The following GTF2A1L variants were observed in gnomAD, a reference collection of about 807,000 sequenced individuals.
GTF2A1L encodes TFIIA-alpha and beta-like factor.
GTF2A1L carries 48 observed loss-of-function variants against 49.7 expected under a neutral mutation model. The observed-to-expected ratio is 0.97, with a 90% CI of 0.77 to 1.23. GTF2A1L has a LOEUF of 1.23. Ranked by LOEUF, GTF2A1L falls within the 50% of genes most tolerant of loss-of-function variation. The pLI is 0.00. For synonymous variants in GTF2A1L, 246 were observed against 193.5 expected, an observed-to-expected ratio of 1.27 and a Z score of -2.25; for missense variants, 736 against 564.8, an observed-to-expected ratio of 1.30 and a Z score of -3.07.
chr2:48,676,075 C>T lies in GTF2A1L; in HGVS notation c.1330-3260C>T, dbSNP rs572549974. On this transcript the variant is annotated intron_variant, in intron 8 of 8. Transcript: ENST00000403751. ...AATAAGTAGTTATATTAGTTTTCAT[C>T]GAATTTCTTTATTCAAATACAAATA... is the stretch of plus-strand genomic sequence containing the variant. Among the ~76,000 whole-genome samples the T allele has an allele frequency of 9.9e-5, 15 of 151,884 alleles. No individual in the cohort carries two copies. The South Asian group carries it at 3.1e-3, about 32-fold the overall frequency.
chr2:48,619,956 T>G (rs1184749826), intron 1 of GTF2A1L, among the ~76,000 whole-genome samples: 1 of 152,188 alleles, frequency 6.6e-6, no homozygotes, highest in African/African-American at 2.4e-5. Context: ...TGGTAGGAAA[T>G]CCGTTTTGGA....
At chr2:48,677,018 A>T (rs1268494205) in intron 8 of GTF2A1L, among the ~76,000 whole-genome samples, 1 of 151,586 alleles carries the variant, frequency 6.6e-6, no homozygotes, top group Non-Finnish European at 1.5e-5. Flanking sequence ...ATCATCTGCT[A>T]CTGCATTTCT....
chr2:48,661,564 A>G (rs1430495194), intron 6 of GTF2A1L, among the ~76,000 whole-genome samples: 2 of 151,998 alleles, frequency 1.3e-5, no homozygotes, highest in African/African-American at 4.8e-5. Context: ...TGTTGCATAT[A>G]TCTGGGGGCT....
chr2:48,676,124 A>G (rs1679455147), intron 8 of GTF2A1L, among the ~76,000 whole-genome samples: 1 of 151,980 alleles, frequency 6.6e-6, no homozygotes. Flanking sequence ...AAATAACACT[A>G]TATTCTGTAC....
chr2:48,657,502 A>G (rs1051098877), intron 6 of GTF2A1L, among the ~76,000 whole-genome samples: 45 of 152,322 alleles, frequency 3.0e-4, no homozygotes, highest in Admixed American at 2.7e-3. Context: ...TCAGTCCACC[A>G]TGTATGGGCA....
chr2:48,627,569 A>G (rs1479037921), intron 3 of GTF2A1L, among the ~76,000 whole-genome samples: 1 of 144,336 alleles, frequency 6.9e-6, no homozygotes, highest in East Asian at 1.9e-4. Flanking sequence ...ATTGGCAAAT[A>G]CATGCTGTTA....
At chr2:48,664,652 A>T (rs1678714284) in intron 6 of GTF2A1L, among the ~76,000 whole-genome samples, 1 of 151,998 alleles carries the variant, frequency 6.6e-6, no homozygotes, top group African/African-American at 2.4e-5. Flanking sequence ...TCCTTGTGGG[A>T]AGGTTTTTAA....
At position 48,617,902 on chromosome 2, in the gene GTF2A1L, A is replaced by C; in HGVS notation, c.21+7A>C. ...GGCCTGCCTCAACCCGGTGGTAAGG[A>C]AGACCTCAGGCTCTGTGTAGAGGGA... On this transcript the variant is annotated splice_region_variant and intron_variant, in intron 1 of 8. Coordinates refer to ENST00000403751, the MANE Select transcript of GTF2A1L (RefSeq NM_006872.5). The C allele has an allele frequency of 6.4e-7, 1 of 1,551,780 alleles. No individual in the cohort carries two copies. Among genetic ancestry groups the C allele is most frequent in the Non-Finnish European group, 8.7e-7 (1 of 1,147,028 alleles).
chr2:48,623,549 A>C (rs997542316), intron 3 of GTF2A1L, among the ~76,000 whole-genome samples: 1 of 152,234 alleles, frequency 6.6e-6, no homozygotes, highest in African/African-American at 2.4e-5. Context: ...TCAACTCATC[A>C]GTTCTATTAC....
Position 48,620,962 on chromosome 2 carries a change from C to T in GTF2A1L, c.123+10C>T, listed in dbSNP as rs767855629. Reference sequence around the variant, plus strand: ...AAAAGACTTGAAGCAGGTTTGTAGCCGATACAACTTTTTCTTCCTGTCTTT... The same window carrying T: ...AAAAGACTTGAAGCAGGTTTGTAGCTGATACAACTTTTTCTTCCTGTCTTT... On this transcript the variant is annotated intron_variant, in intron 2 of 8. Transcript: ENST00000403751. 23 of 1,588,396 alleles carry T rather than the reference C, an allele frequency of 1.4e-5. No individual in the cohort carries two copies. Among genetic ancestry groups the T allele is most frequent in the South Asian group, 7.0e-5 (6 of 85,792 alleles).
chr2:48,658,015 A>C (rs1176587655), intron 6 of GTF2A1L, among the ~76,000 whole-genome samples: 2 of 152,160 alleles, frequency 1.3e-5, no homozygotes, highest in African/African-American at 4.8e-5. Flanking sequence ...CAACTTTGTC[A>C]GATGCACAGT....
At chr2:48,663,798 C>T (rs1050214533) in intron 6 of GTF2A1L, among the ~76,000 whole-genome samples, 4 of 151,992 alleles carry the variant, frequency 2.6e-5, no homozygotes, top group African/African-American at 9.7e-5. Context: ...CACAACCATA[C>T]CTGGCTAATT....
chr2:48,629,867 C>A lies in GTF2A1L; in HGVS notation c.247+8577C>A, dbSNP rs115392936. Among the ~76,000 whole-genome samples the A allele has an allele frequency of 8.2e-3, 1,186 of 144,620 alleles. 86 individuals are homozygous for A. The highest frequency in any genetic ancestry group is 0.028 in the African/African-American group (1,128 of 40,688). The allele number at this position is 144,620 out of a possible 152,430, so 94.9% of individuals were successfully genotyped here. A position where few individuals can be genotyped will look rare whatever the true frequency, so the allele number is the denominator to read the frequency against. ...CAGTTGCCCCATCACCATTTATTGA[C>A]TAGGGAGTCCTTTCCCCGTTGCTTA... is the stretch of plus-strand genomic sequence containing the variant. On this transcript the variant is annotated intron_variant, in intron 3 of 8. Coordinates refer to ENST00000403751, the MANE Select transcript of GTF2A1L (RefSeq NM_006872.5).
At chr2:48,638,234 G>A (rs146093234) in intron 3 of GTF2A1L, among the ~76,000 whole-genome samples, 6 of 152,284 alleles carry the variant, frequency 3.9e-5, no homozygotes, top group African/African-American at 1.4e-4. Context: ...ATTCTGTGAG[G>A]CCAGCATCAT....
chr2:48,668,409 A>T (rs1678965036), intron 6 of GTF2A1L, among the ~76,000 whole-genome samples: 1 of 152,182 alleles, frequency 6.6e-6, no homozygotes, highest in African/African-American at 2.4e-5. Context: ...ACTGCTATAG[A>T]TTCTGAAGCA....
intron 3 of GTF2A1L, among the ~76,000 whole-genome samples, chr2:48,638,484 T>C (rs755953636): frequency 6.6e-6 from 1 of 152,160 alleles, no homozygotes; most frequent in Non-Finnish European, 1.5e-5. Context: ...CAAATGCTTA[T>C]CTCAATAGAT....
chr2:48,622,473 C>G (rs1185807158), intron 3 of GTF2A1L, among the ~76,000 whole-genome samples: 1 of 151,464 alleles, frequency 6.6e-6, no homozygotes, highest in African/African-American at 2.5e-5. Context: ...TTTTGTTAAT[C>G]ACTGTTTTAT....
intron 6 of GTF2A1L, among the ~76,000 whole-genome samples, chr2:48,667,185 C>T: frequency 6.7e-6 from 1 of 150,060 alleles, no homozygotes; most frequent in African/African-American, 2.5e-5. Flanking sequence ...TCCTGAACTT[C>T]TGGGCTCAAG....
chr2:48,656,347 T>TG (rs1678168323), intron 6 of GTF2A1L, among the ~76,000 whole-genome samples: 1 of 106,884 alleles, frequency 9.4e-6, no homozygotes, highest in African/African-American at 3.5e-5. Flanking sequence ...GCTTATTTTC[T>TG]GTTTTTTTTT....
Sources: gnomAD v4.1 joint callset for allele counts (sites outside exome capture counted in the v4.1 genomes callset) on GRCh38, gnomAD v4.1.1 for gene constraint, MANE v1.5 for transcripts, NCBI Gene and HGNC (gene_info 2026-07-23, HGNC 2026-07-21) for gene names.